Variants in ADAMTS2 observed in about 807,000 individuals in gnomAD.
ADAMTS2 encodes the protein A disintegrin and metalloproteinase with thrombospondin motifs 2.
In ADAMTS2, 50 loss-of-function variants were observed where a neutral mutation model predicts 123.0. The ratio of observed to expected loss-of-function variants is 0.41; its 90% CI spans 0.32 to 0.51. ADAMTS2 has a LOEUF of 0.51. ADAMTS2 is among the 20% of genes least tolerant of loss of function. ADAMTS2 has a pLI of 0.35. For missense variants in ADAMTS2, 1,494 were observed against 1,705.2 expected, an observed-to-expected ratio of 0.88 and a Z score of 2.18; for synonymous variants, 678 against 695.4, an observed-to-expected ratio of 0.98 and a Z score of 0.39.
At chr5:179,261,375 G>A (rs941592867) in intron 3 of ADAMTS2, among the ~76,000 whole-genome samples, 1 of 152,248 alleles carries the variant, frequency 6.6e-6, no homozygotes, top group African/African-American at 2.4e-5. Flanking sequence ...AGGAGCTGCT[G>A]TGGGAGCCAG....
chr5:179,275,186 G>T (rs1194018592), intron 2 of ADAMTS2, among the ~76,000 whole-genome samples: 1 of 152,144 alleles, frequency 6.6e-6, no homozygotes, highest in Non-Finnish European at 1.5e-5. Context: ...TGCGGCAGGG[G>T]GAATGGGCTG....
At chr5:179,257,420 C>G (rs1373599158) in intron 3 of ADAMTS2, among the ~76,000 whole-genome samples, 1 of 152,242 alleles carries the variant, frequency 6.6e-6, no homozygotes, top group Non-Finnish European at 1.5e-5. Context: ...AGACCCGGAA[C>G]TGGGCACCAG....
At chr5:179,269,970 G>A (rs988782408) in intron 3 of ADAMTS2, among the ~76,000 whole-genome samples, 1 of 152,168 alleles carries the variant, frequency 6.6e-6, no homozygotes, top group Non-Finnish European at 1.5e-5. Flanking sequence ...AGGCCAGCAT[G>A]GCCAGGGAGG....
At chr5:179,114,997 C>A (rs1307911076) in intron 21 of ADAMTS2, among the ~76,000 whole-genome samples, 2 of 152,238 alleles carry the variant, frequency 1.3e-5, no homozygotes, top group East Asian at 3.9e-4. Flanking sequence ...TCATTTCCAG[C>A]CTCTGCTCCA....
intron 3 of ADAMTS2, among the ~76,000 whole-genome samples, chr5:179,223,545 C>CTCACAT (rs1364020578): frequency 2.1e-5 from 3 of 140,788 alleles, no homozygotes; most frequent in Admixed American, 1.5e-4. Context: ...CACACTCACA[C>CTCACAT]GAATGCACTC....
At chr5:179,177,333 A>G (rs1413368976) in intron 5 of ADAMTS2, among the ~76,000 whole-genome samples, 1 of 152,182 alleles carries the variant, frequency 6.6e-6, no homozygotes, top group Non-Finnish European at 1.5e-5. Context: ...TGGGATTTTT[A>G]CTTCTATTTT....
chr5:179,153,999 T>C (rs1277403130), intron 8 of ADAMTS2, 50 bp downstream of exon 8: 2 of 1,568,620 alleles, frequency 1.3e-6, no homozygotes, highest in Non-Finnish European at 8.6e-7. Context: ...CTCCCAGAGC[T>C]GACCCCAGGG....
intron 2 of ADAMTS2, among the ~76,000 whole-genome samples, chr5:179,326,493 C>CT (rs1457469188): frequency 6.7e-6 from 1 of 148,850 alleles, no homozygotes; most frequent in African/African-American, 2.5e-5. Flanking sequence ...CGGCCCCGCC[C>CT]CCCACTCCCA....
rs1020814555 is a variant in ADAMTS2, at chr5:179,303,482, T to C, written c.535-30418A>G. ...CAAACCCGCAGAGTTTACTCTTCAT[T>C]CTCTGGTATTCCTCAGCCTAGATAC... On this transcript the variant is annotated intron_variant, in intron 2 of 21. Transcript: ENST00000251582. This position sits in a 1 kb window ranked among gnomAD's most constrained non-coding sequence, Gnocchi z 4.7. Among the ~76,000 whole-genome samples the C allele has an allele frequency of 3.9e-5, 6 of 152,112 alleles. No individual in the cohort carries two copies. Among genetic ancestry groups the C allele is most frequent in the Non-Finnish European group, 8.8e-5 (6 of 68,028 alleles).
At chr5:179,203,394 C>T (rs1764609480) in intron 4 of ADAMTS2, among the ~76,000 whole-genome samples, 2 of 152,372 alleles carry the variant, frequency 1.3e-5, no homozygotes, top group South Asian at 2.1e-4. Context: ...CAGTCCCAGC[C>T]GGCTGCTGCC....
At chr5:179,171,022 T>C (rs1394149403) in intron 5 of ADAMTS2, among the ~76,000 whole-genome samples, 1 of 152,246 alleles carries the variant, frequency 6.6e-6, no homozygotes, top group African/African-American at 2.4e-5. Context: ...TAGAAACTTT[T>C]ATAGCAATTG....
In ADAMTS2 at chr5:179,115,058, G is replaced by A. The variant is rs1365282527; in HGVS notation, c.3179-734C>T. ...GCATCCAGCCATTTCCCAAAGAAAC[G>A]TGCTGCCCTCACATAGATTAATCGT... On this transcript the variant is annotated intron_variant, in intron 21 of 21. Transcript: ENST00000251582. The surrounding 1 kb of genome is among the most constrained non-coding windows in gnomAD (Gnocchi z 4.4). Among the ~76,000 whole-genome samples, 2 of 152,098 alleles carry A rather than the reference G, an allele frequency of 1.3e-5. No homozygotes were observed. Among genetic ancestry groups the A allele is most frequent in the African/African-American group, 2.4e-5 (1 of 41,402 alleles).
At chr5:179,177,684 T>C (rs183516934) in intron 5 of ADAMTS2, among the ~76,000 whole-genome samples, 51 of 152,232 alleles carry the variant, frequency 3.4e-4, no homozygotes, top group Non-Finnish European at 4.4e-4. Flanking sequence ...ATTCTCACCT[T>C]CAGGGTTTGA....
At position 179,129,432 on chromosome 5, in the gene ADAMTS2, A is replaced by G. The variant is rs909756209; in HGVS notation, c.2457+500T>C. ...CTATGCAGTTAAATTACATTTTAAA[A>G]AGTGATCTGACCTCCTCAAAACCAG... is the stretch of plus-strand genomic sequence containing the variant. On this transcript the variant is annotated intron_variant, in intron 16 of 21. Coordinates refer to ENST00000251582, the MANE Select transcript of ADAMTS2 (RefSeq NM_014244.5). The surrounding 1 kb of genome is among the most constrained non-coding windows in gnomAD (Gnocchi z 4.1). 6.6e-6 allele frequency among the ~76,000 whole-genome samples: 1 copy of G among 152,222 alleles called. No homozygotes were observed. The highest frequency in any genetic ancestry group is 1.5e-5 in the Non-Finnish European group (1 of 68,040).
rs201390756 is a variant in ADAMTS2 at position 179,121,685 on chromosome 5, A to C, written c.3154T>G (p.Ser1052Ala). The C allele has an allele frequency of 1.6e-4, 260 of 1,598,496 alleles. 1 individual carries two copies. The Middle Eastern group carries it at 1.8e-3, about 11-fold the overall frequency. Residue 1052 changes from serine to alanine, a missense_variant, in exon 21 of 22, where the codon TCG (serine) becomes GCG (alanine). Around this residue, in one of 6 missense-constraint regions of ADAMTS2, gnomAD observed 953 missense variants for 1,124.7 expected, o/e 0.85. Coordinates refer to ENST00000251582, the MANE Select transcript of ADAMTS2 (RefSeq NM_014244.5). ...CTTGACGAGATCTTCCGGATGGGCG[A>C]GTCGGGGTCCGGGCGGGACAGCCAC... ...VQWLSRPDPD[S>A]PIRKISSKGH...
At position 179,311,914 on chromosome 5, in the gene ADAMTS2, C is replaced by T. The variant is rs528356023; in HGVS notation, c.534+31853G>A. ...CGCCTTACCGCGCTTTAACAAGTATCATTGAATCATTTTTCATTTAACAAC... is the reference window on the plus strand; with the variant it reads ...CGCCTTACCGCGCTTTAACAAGTATTATTGAATCATTTTTCATTTAACAAC... On this transcript the variant is annotated intron_variant, in intron 2 of 21. Transcript: ENST00000251582. 5.3e-5 allele frequency among the ~76,000 whole-genome samples: 8 copies of T among 152,322 alleles called. No individual in the cohort carries two copies. The South Asian group carries it at 1.0e-3, about 20-fold the overall frequency.
At chr5:179,208,736 C>CA (rs1321183407) in intron 3 of ADAMTS2, among the ~76,000 whole-genome samples, 1 of 152,200 alleles carries the variant, frequency 6.6e-6, no homozygotes, top group Non-Finnish European at 1.5e-5. Flanking sequence ...CACCGCCCCC[C>CA]AAGCCCCAGT....
At chr5:179,255,776 C>A (rs1157407677) in intron 3 of ADAMTS2, among the ~76,000 whole-genome samples, 2 of 152,318 alleles carry the variant, frequency 1.3e-5, no homozygotes, top group East Asian at 3.9e-4. Context: ...GGCACAGACA[C>A]TGATGGCACA....
chr5:179,270,136 C>G (rs1486022907), intron 3 of ADAMTS2, among the ~76,000 whole-genome samples: 1 of 152,214 alleles, frequency 6.6e-6, no homozygotes, highest in African/African-American at 2.4e-5. Context: ...CCCAGGCAAT[C>G]TGCAATCCAG....
Sources: gnomAD v4.1 joint callset for allele counts (sites outside exome capture counted in the v4.1 genomes callset) on GRCh38, gnomAD v4.1.1 for gene constraint, gnomAD v4.1.1 regional missense constraint, Gnocchi (gnomAD v3.1) non-coding constraint, MANE v1.5 for transcripts, NCBI Gene and HGNC (gene_info 2026-07-23, HGNC 2026-07-21) for gene names.